The following LRRC37A variants were observed in gnomAD, a reference collection of about 807,000 sequenced individuals.
LRRC37A encodes the protein leucine rich repeat containing 37A.
In LRRC37A, 3 loss-of-function variants were observed where a neutral mutation model predicts 35.4. The ratio of observed to expected loss-of-function variants is 0.08; its 90% confidence interval spans 0.04 to 0.22. The LOEUF (loss-of-function observed/expected upper bound fraction) is 0.22, where lower values mean the gene tolerates loss of function less well. Among genes scored for constraint, LRRC37A ranks in the 10% least tolerant of loss-of-function variants. The probability of loss-of-function intolerance (pLI) is 1.00; values close to 1 mark genes in which losing one functional copy is unlikely to be tolerated. For missense variants in LRRC37A, 67 were observed against 565.3 expected (o/e 0.12, Z 8.94); for synonymous variants, 23 against 215.0 (o/e 0.11, Z 7.81).
At chr17:46,275,604 C>A in the LRRC37A span, among the ~76,000 whole-genome samples, 18,481 of 152,182 alleles carry the variant, frequency 0.12, no homozygotes, top group Non-Finnish European at 0.18. Context: ...TCACTGTACA[C>A]TAAGCATAAT....
At chr17:46,290,769 T>C (rs201576891), upstream of LRRC37A, among the ~76,000 whole-genome samples, 4 of 152,350 alleles carry the variant, frequency 2.6e-5, no homozygotes, top group East Asian at 7.7e-4. Flanking sequence ...GTTTTATAGA[T>C]TCTAAAGCAG....
upstream of LRRC37A, among the ~76,000 whole-genome samples, chr17:46,289,818 T>C (rs1396738987): frequency 6.6e-6 from 1 of 152,246 alleles, no homozygotes; most frequent in Non-Finnish European, 1.5e-5. Context: ...TAATTTTATT[T>C]TTCCTTCTTT....
At chr17:46,307,823 A>G (rs2050619744) in intron 5 of LRRC37A, among the ~76,000 whole-genome samples, 1 of 77,982 alleles carries the variant, frequency 1.3e-5, no homozygotes, top group African/African-American at 3.2e-5. Context: ...GACCAGCCTG[A>G]CCAACATGGT....
chr17:46,273,852 T>C, the LRRC37A span, among the ~76,000 whole-genome samples: 1 of 152,256 alleles, frequency 6.6e-6, no homozygotes, highest in African/African-American at 2.4e-5. Context: ...ACACAGAGGA[T>C]GAGATCATCT....
At chr17:46,268,801 C>A in the LRRC37A span, 1 of 803,078 alleles carries the variant, frequency 1.2e-6, no homozygotes, top group Non-Finnish European at 1.8e-6. Context: ...CAAAGCTACT[C>A]TATGAATGAC....
chr17:46,272,638 T>G, the LRRC37A span, among the ~76,000 whole-genome samples: 1 of 152,150 alleles, frequency 6.6e-6, no homozygotes, highest in Non-Finnish European at 1.5e-5. Flanking sequence ...TGGTCTCAAA[T>G]TCCTGACCTC....
At chr17:46,324,231 ACTGCACT>A (rs1276340254) in intron 7 of LRRC37A, among the ~76,000 whole-genome samples, 1 of 87,106 alleles carries the variant, frequency 1.1e-5, no homozygotes, top group African/African-American at 3.6e-5. Context: ...AGATTGCACC[ACTGCACT>A]CTAACCTGGG....
chr17:46,254,499 C>T, the LRRC37A span, among the ~76,000 whole-genome samples: 2 of 151,980 alleles, frequency 1.3e-5, no homozygotes, highest in African/African-American at 4.8e-5. Flanking sequence ...CTACCTTAGC[C>T]TCCTGAGTAG....
chr17:46,256,698 CTA>C, the LRRC37A span, among the ~76,000 whole-genome samples: 1 of 152,152 alleles, frequency 6.6e-6, no homozygotes, highest in Non-Finnish European at 1.5e-5. Context: ...AGGAAGGAGG[CTA>C]TGTCTGAAAG....
chr17:46,259,952 G>C, the LRRC37A span: 1 of 1,577,306 alleles, frequency 6.3e-7, no homozygotes, highest in African/African-American at 1.3e-5. Context: ...CGCTGCTTCA[G>C]TTCTGGCTTG....
chr17:46,276,115 T>C, the LRRC37A span, among the ~76,000 whole-genome samples: 2 of 152,224 alleles, frequency 1.3e-5, no homozygotes, highest in African/African-American at 2.4e-5. Flanking sequence ...GGTCGCAAAC[T>C]CCTGACCTCA....
At chr17:46,317,185 AT>A in intron 5 of LRRC37A, among the ~76,000 whole-genome samples, 1 of 79,632 alleles carries the variant, frequency 1.3e-5, no homozygotes, top group Non-Finnish European at 3.8e-5. Context: ...CCAGACGGGC[AT>A]GCCCAGTTAG....
At chr17:46,263,140 C>T in the LRRC37A span, among the ~76,000 whole-genome samples, 2 of 151,862 alleles carry the variant, frequency 1.3e-5, no homozygotes, top group African/African-American at 2.4e-5. Context: ...CTGAGTCCCG[C>T]GAGGTCAAGG....
chr17:46,260,963 A>G, the LRRC37A span, among the ~76,000 whole-genome samples: 1 of 152,210 alleles, frequency 6.6e-6, no homozygotes, highest in African/African-American at 2.4e-5. Context: ...TCAGGAATGG[A>G]AAACCAAACA....
At chr17:46,290,572 A>T (rs2050039153), upstream of LRRC37A, among the ~76,000 whole-genome samples, 1 of 152,098 alleles carries the variant, frequency 6.6e-6, no homozygotes, top group African/African-American at 2.4e-5. Flanking sequence ...TCAGCCTCCC[A>T]GGCAGCTGGG....
chr17:46,248,297 G>C, the LRRC37A span, among the ~76,000 whole-genome samples: 1 of 152,058 alleles, frequency 6.6e-6, no homozygotes, highest in Non-Finnish European at 1.5e-5. Flanking sequence ...AATTTGATGA[G>C]TTTTGACAAA....
the LRRC37A span, among the ~76,000 whole-genome samples, chr17:46,254,414 T>C: frequency 6.6e-6 from 1 of 152,058 alleles, no homozygotes; most frequent in Non-Finnish European, 1.5e-5. Context: ...TATTTATTTA[T>C]CTATCTATTT....
the LRRC37A span, among the ~76,000 whole-genome samples, chr17:46,277,637 T>TCTTCCTTCC: frequency 0.099 from 14,571 of 147,258 alleles, 2 homozygotes; most frequent in Middle Eastern, 0.16. Flanking sequence ...TTTTCTTTTC[T>TCTTCCTTCC]TTTCTTTCTT....
chr17:46,281,987 T>A, the LRRC37A span, among the ~76,000 whole-genome samples: 1 of 152,152 alleles, frequency 6.6e-6, no homozygotes, highest in African/African-American at 2.4e-5. Flanking sequence ...GTCTATAACC[T>A]GCTGCCTACT....
Sources: allele counts gnomAD v4.1 joint callset (sites outside exome capture counted in the v4.1 genomes callset), GRCh38; gene constraint gnomAD v4.1.1; transcripts MANE v1.5; gene names NCBI Gene and HGNC (gene_info 2026-07-23, HGNC 2026-07-21).